The following GGT5 variants were observed in gnomAD, a reference collection of about 807,000 sequenced individuals.
GGT5 encodes glutathione hydrolase 5 proenzyme.
Under a neutral mutation model 58.1 loss-of-function variants are expected in GGT5, and 50 were observed. That is an observed-to-expected ratio of 0.86 (90% CI 0.69 to 1.09). The LOEUF (loss-of-function observed/expected upper bound fraction) is 1.09, where lower values mean the gene tolerates loss of function less well. Ranked by LOEUF, GGT5 falls within the 50% of genes least tolerant of loss-of-function variation. GGT5 has a pLI of 0.00. For synonymous variants in GGT5, 370 were observed against 346.1 expected, an observed-to-expected ratio of 1.07 and a Z score of -0.77; for missense variants, 800 against 789.4, an observed-to-expected ratio of 1.01 and a Z score of -0.16.
At position 24,225,347 on chromosome 22, in the gene GGT5, G is replaced by A. The variant is rs1393151467; in HGVS notation, c.1401C>T (p.Ser467=). Residue 467 remains serine, a synonymous_variant, in exon 10 of 12, where the codon TCC becomes TCT. Transcript: ENST00000327365. ...RCWPPVPGER[S]PSSMVPSILI... Reference sequence around the variant, plus strand: ...AGATGGAGGGCACCATGGAGGATGGGGAACGCTCGCCTGGAACTGGGGGCC... The same window carrying A: ...AGATGGAGGGCACCATGGAGGATGGAGAACGCTCGCCTGGAACTGGGGGCC... The A allele has an allele frequency of 6.2e-7, 1 of 1,613,308 alleles. No individual in the cohort carries two copies. Among genetic ancestry groups the A allele is most frequent in the Admixed American group, 1.7e-5 (1 of 59,910 alleles).
chr22:24,226,317 G>A (rs772248262), intron 7 of GGT5, 51 bp from the exon 8 acceptor site: 9 of 1,418,070 alleles, frequency 6.3e-6, no homozygotes, highest in South Asian at 2.5e-5. Flanking sequence ...GGCAGAATCC[G>A]CAGAACCAAG....
chr22:24,238,874 AATATATATTATATATTT>A (rs2048222210), intron 1 of GGT5, among the ~76,000 whole-genome samples: 13 of 10,276 alleles, frequency 1.3e-3, no homozygotes, highest in African/African-American at 6.4e-3. Flanking sequence ...TAATATATAT[AATATATATTATATATTT>A]TATATATATA....
At position 24,225,615 on chromosome 22, in the gene GGT5, T is replaced by C. The variant is rs1261716856; in HGVS notation, c.1267A>G (p.Ile423Val). ...AAGTCCAGGAGCTCGTTGTTGAGGATGATGCCTGTCCGTGGTGAATACACC... is the reference window on the plus strand; with the variant it reads ...AAGTCCAGGAGCTCGTTGTTGAGGACGATGCCTGTCCGTGGTGAATACACC... ...AMVYSPRTGI[I>V]LNNELLDLCE... Residue 423 changes from isoleucine (I) to valine (V), a missense_variant, in exon 9 of 12, where the codon ATC becomes GTC. Transcript: ENST00000327365. The C allele has an allele frequency of 6.2e-7, 1 of 1,613,404 alleles. No individual in the cohort carries two copies. The highest frequency in any genetic ancestry group is 8.5e-7 in the Non-Finnish European group (1 of 1,179,364).
At chr22:24,228,450 A>G (rs1241774262) in intron 6 of GGT5, among the ~76,000 whole-genome samples, 2 of 113,024 alleles carry the variant, frequency 1.8e-5, no homozygotes, top group Non-Finnish European at 3.5e-5. Flanking sequence ...TCATTTCAAA[A>G]CAGTTTTTTT....
chr22:24,219,690 G>A lies in GGT5; in HGVS notation c.*280C>T, dbSNP rs1203905974. The A allele has an allele frequency of 4.5e-6, 2 of 441,356 alleles. No homozygotes were observed. Among genetic ancestry groups the A allele is most frequent in the East Asian group, 8.2e-5 (2 of 24,468 alleles). 27.3% of individuals were successfully genotyped at this position (441,356 alleles called of 1,614,324 possible). A position where few individuals can be genotyped will look rare whatever the true frequency, so the allele number is the denominator to read the frequency against. On this transcript the variant is annotated 3_prime_UTR_variant, in exon 12 of 12. Coordinates refer to ENST00000327365, the MANE Select transcript of GGT5 (RefSeq NM_004121.5). ...TCCGCCTCTTTAATCTTGGACTGGA[G>A]GATATACAGATCGAGAGGGTGGGAG...
intron 11 of GGT5, among the ~76,000 whole-genome samples, chr22:24,221,600 C>A (rs1273710343): frequency 6.6e-6 from 1 of 152,230 alleles, no homozygotes; most frequent in Non-Finnish European, 1.5e-5. Flanking sequence ...GCAACTTCCC[C>A]TCCCAGGTTC....
At chr22:24,224,307 C>G (rs919633869) in intron 11 of GGT5, among the ~76,000 whole-genome samples, 2 of 151,822 alleles carry the variant, frequency 1.3e-5, no homozygotes, top group African/African-American at 4.8e-5. Context: ...CTCAGGAGTT[C>G]AAGACCAGCC....
chr22:24,239,942 C>T (rs1332617866), intron 1 of GGT5, among the ~76,000 whole-genome samples: 3 of 151,862 alleles, frequency 2.0e-5, no homozygotes, highest in African/African-American at 7.3e-5. Context: ...AAAAATTAGC[C>T]GGGCATAGTG....
chr22:24,227,776 C>T (rs1001271560), intron 6 of GGT5, among the ~76,000 whole-genome samples: 9 of 151,982 alleles, frequency 5.9e-5, no homozygotes, highest in African/African-American at 9.6e-5. Context: ...CAAAATAGAG[C>T]GGCAGCCAGC....
rs140818702 is a variant in GGT5, at chr22:24,223,230, C to G, written c.1614+1766G>C. ...CAGCCTGGCCAACATGGGGAAACCC[C>G]ATCTTTACTAAAAATACAAAAATTA... On this transcript the variant is annotated intron_variant, in intron 11 of 11. Coordinates refer to ENST00000327365, the MANE Select transcript of GGT5 (RefSeq NM_004121.5). Among the ~76,000 whole-genome samples the G allele has an allele frequency of 5.8e-3, 889 of 152,188 alleles. 8 individuals carry two copies. Among genetic ancestry groups the G allele is most frequent in the African/African-American group, 0.021 (861 of 41,532 alleles).
intron 11 of GGT5, among the ~76,000 whole-genome samples, chr22:24,223,140 G>A (rs2148885939): frequency 6.6e-6 from 1 of 151,914 alleles, no homozygotes; most frequent in South Asian, 2.1e-4. Flanking sequence ...AGTGGCTCAT[G>A]CCTATAAGCC....
Position 24,231,445 on chromosome 22 carries a change from C to T in GGT5, c.840G>A (p.Leu280=). ...ALEVPLGDYT[L]YSPPPPAGGA... ...CCCCTGCAGGCGGCGGTGGTGAGTA[C>T]AGGGTATAGTCCCCCAGGGGCACCT... Residue 280 remains leucine, a synonymous_variant, in exon 6 of 12, where the codon CTG becomes CTA. Coordinates refer to ENST00000327365, the MANE Select transcript of GGT5 (RefSeq NM_004121.5). 6.4e-7 allele frequency: 1 copy of T among 1,564,970 alleles called. No homozygotes were observed. The highest frequency in any genetic ancestry group is 1.4e-5 in the African/African-American group (1 of 73,668).
chr22:24,235,427 C>T (rs549510658), intron 1 of GGT5, among the ~76,000 whole-genome samples: 13 of 152,204 alleles, frequency 8.5e-5, no homozygotes, highest in African/African-American at 3.1e-4. Context: ...GACCTGGGTC[C>T]CTGCACCCAC....
intron 1 of GGT5, among the ~76,000 whole-genome samples, chr22:24,238,152 C>A (rs1323055959): frequency 6.6e-6 from 1 of 151,186 alleles, no homozygotes; most frequent in African/African-American, 2.4e-5. Flanking sequence ...ACATTTGAAC[C>A]CAGCAGGTGG....
chr22:24,231,384 C>T lies in GGT5; in HGVS notation c.901G>A (p.Gly301Arg). 6.5e-7 allele frequency: 1 copy of T among 1,546,898 alleles called. No individual in the cohort carries two copies. Among genetic ancestry groups the T allele is most frequent in the Non-Finnish European group, 8.7e-7 (1 of 1,145,036 alleles). Residue 301 changes from glycine to arginine, a missense_variant and splice_region_variant, in exon 6 of 12, where the codon GGG becomes AGG. Physicochemically the swap from Gly to Arg is moderately radical, Grantham distance 125. Coordinates refer to ENST00000327365, the MANE Select transcript of GGT5 (RefSeq NM_004121.5). ...ILSFILNVLR[G>R]FNFSTESMAR... ...CCAGGGCTCTGGGCAGGGGCTTTACCTCTTAGCACGTTGAGGATAAAGCTG... is the reference window on the plus strand; with the variant it reads ...CCAGGGCTCTGGGCAGGGGCTTTACTTCTTAGCACGTTGAGGATAAAGCTG...
Position 24,220,014 on chromosome 22 carries a change from C to G in GGT5, c.1717G>C (p.Ala573Pro). ...CCACTCTTCCTCAGGTCCGAGACGG[C>G]GTACACACAGGCCCCCTCCTGGGAC... The part of the protein sequence containing the change: ...AVSQEGACVY[A>P]VSDLRKSGEA... Residue 573 changes from alanine (A) to proline (P), a missense_variant, in exon 12 of 12, where the codon GCC (alanine) becomes CCC (proline). Coordinates refer to ENST00000327365, the MANE Select transcript of GGT5 (RefSeq NM_004121.5). 1.2e-6 allele frequency: 2 copies of G among 1,614,072 alleles called. No homozygotes were observed. Among genetic ancestry groups the G allele is most frequent in the Non-Finnish European group, 1.7e-6 (2 of 1,179,944 alleles).
At chr22:24,232,305 G>T (rs994213615) in intron 4 of GGT5, 97 bp from the exon 5 acceptor site, 3 of 637,456 alleles carry the variant, frequency 4.7e-6, no homozygotes, top group East Asian at 6.1e-5. Flanking sequence ...ACCCTACAGT[G>T]GGGGGCGCCC....
At chr22:24,224,937 C>T (rs1396723378) in intron 11 of GGT5, 59 bp downstream of exon 11, 34 of 1,152,594 alleles carry the variant, frequency 2.9e-5, no homozygotes, top group Non-Finnish European at 3.9e-5. Flanking sequence ...TGGCTTTGAG[C>T]AGCACGGATT....
intron 1 of GGT5, among the ~76,000 whole-genome samples, chr22:24,238,939 A>AATAT (rs1244317146): frequency 2.5e-4 from 4 of 15,888 alleles, no homozygotes; most frequent in East Asian, 1.7e-3. Flanking sequence ...TATATTATAT[A>AATAT]ATATATATAT....
Sources: gnomAD v4.1 joint callset for allele counts (sites outside exome capture counted in the v4.1 genomes callset) on GRCh38, gnomAD v4.1.1 for gene constraint, MANE v1.5 for transcripts, NCBI Gene and HGNC (gene_info 2026-07-23, HGNC 2026-07-21) for gene names.